Variants in THSD4 observed in about 807,000 individuals in gnomAD.
THSD4 encodes the protein thrombospondin type-1 domain-containing protein 4.
A neutral mutation model predicts 119.0 loss-of-function variants in THSD4; 69 were observed. That is an observed-to-expected ratio of 0.58 (90% confidence interval 0.48 to 0.71). The LOEUF (loss-of-function observed/expected upper bound fraction) is 0.71, where lower values mean the gene tolerates loss of function less well. THSD4 is among the 30% of genes least tolerant of loss of function. THSD4 has a pLI of 0.00. For missense variants in THSD4, 1,393 were observed against 1,391.1 expected, an observed-to-expected ratio of 1.00 and a Z score of -0.02; for synonymous variants, 524 against 540.4, an observed-to-expected ratio of 0.97 and a Z score of 0.42.
chr15:71,317,104 C>A (rs1416992510), intron 6 of THSD4, among the ~76,000 whole-genome samples: 1 of 152,108 alleles, frequency 6.6e-6, no homozygotes, highest in Non-Finnish European at 1.5e-5. Context: ...ATTTTCAGAG[C>A]TGGATATTGG....
At chr15:71,518,156 C>G (rs1433227302) in intron 7 of THSD4, among the ~76,000 whole-genome samples, 1 of 152,168 alleles carries the variant, frequency 6.6e-6, no homozygotes, top group African/African-American at 2.4e-5. Context: ...CTTAGGAGTA[C>G]AAAATTGAAA....
At chr15:71,243,118 C>T (rs1453671212) in intron 5 of THSD4, 22 bp downstream of exon 5, 22 of 1,587,982 alleles carry the variant, frequency 1.4e-5, no homozygotes, top group Middle Eastern at 1.7e-4. Flanking sequence ...CAACCCATAC[C>T]GGGCCTGGAA....
At chr15:71,506,734 T>G (rs1424681806) in intron 7 of THSD4, among the ~76,000 whole-genome samples, 1 of 152,230 alleles carries the variant, frequency 6.6e-6, no homozygotes, top group African/African-American at 2.4e-5. Flanking sequence ...TTGTCTTTCC[T>G]GGTCTGAACT....
chr15:71,473,205 A>G (rs899326906), intron 7 of THSD4, among the ~76,000 whole-genome samples: 1 of 151,908 alleles, frequency 6.6e-6, no homozygotes, highest in African/African-American at 2.4e-5. Flanking sequence ...CTACAGGCAC[A>G]CACTACCACA....
At chr15:71,137,266 C>G (rs998636573) in intron 1 of THSD4, among the ~76,000 whole-genome samples, 2 of 152,238 alleles carry the variant, frequency 1.3e-5, no homozygotes. Context: ...TGGGAACCCT[C>G]ACTCTTTCCA....
chr15:71,763,567 T>TTTTTTTTA (rs1334639920), intron 15 of THSD4, among the ~76,000 whole-genome samples: 2 of 150,670 alleles, frequency 1.3e-5, no homozygotes, highest in African/African-American at 4.9e-5. Flanking sequence ...TTTTTTTTTT[T>TTTTTTTTA]AAACAGAGTC....
At chr15:71,199,696 TG>T (rs2043766700) in intron 3 of THSD4, among the ~76,000 whole-genome samples, 2 of 145,408 alleles carry the variant, frequency 1.4e-5, no homozygotes, top group Non-Finnish European at 3.0e-5. Flanking sequence ...GTGTGGTGTG[TG>T]TGGTGTCTGG....
intron 7 of THSD4, among the ~76,000 whole-genome samples, chr15:71,524,101 A>G (rs2048480965): frequency 6.6e-6 from 1 of 152,186 alleles, no homozygotes; most frequent in Admixed American, 6.5e-5. Flanking sequence ...ACCTCTGAAA[A>G]ATACTGCTCG....
chr15:71,603,904 A>C (rs2050060018), intron 7 of THSD4, among the ~76,000 whole-genome samples: 1 of 152,180 alleles, frequency 6.6e-6, no homozygotes, highest in Admixed American at 6.5e-5. Context: ...GTTAAGGAGA[A>C]TTCAGTCCAA....
chr15:71,535,745 T>TG (rs1480350903), intron 7 of THSD4, among the ~76,000 whole-genome samples: 1 of 152,234 alleles, frequency 6.6e-6, no homozygotes, highest in African/African-American at 2.4e-5. Flanking sequence ...CCTGGAGAAA[T>TG]GTCTATTCAA....
intron 7 of THSD4, among the ~76,000 whole-genome samples, chr15:71,473,056 C>CTTTTTT (rs35085059): frequency 7.7e-6 from 1 of 129,312 alleles, no homozygotes; most frequent in African/African-American, 2.9e-5. Context: ...CTGTATTTGG[C>CTTTTTT]TTTTTTTTTT....
intron 7 of THSD4, among the ~76,000 whole-genome samples, chr15:71,499,544 G>A (rs2048079998): frequency 6.7e-6 from 1 of 149,072 alleles, no homozygotes; most frequent in Admixed American, 6.7e-5. Context: ...CAATTTTTAA[G>A]TGTATAGTAC....
intron 3 of THSD4, among the ~76,000 whole-genome samples, chr15:71,190,997 C>G (rs983034909): frequency 1.4e-4 from 21 of 152,292 alleles, no homozygotes; most frequent in African/African-American, 5.1e-4. Flanking sequence ...CACCAACACA[C>G]CCTAAACAGC....
At chr15:71,581,051 A>T (rs1485595187) in intron 7 of THSD4, among the ~76,000 whole-genome samples, 1 of 152,100 alleles carries the variant, frequency 6.6e-6, no homozygotes, top group African/African-American at 2.4e-5. Flanking sequence ...CAAGGTAATG[A>T]TTTCATTTCC....
intron 8 of THSD4, among the ~76,000 whole-genome samples, chr15:71,716,980 A>G (rs1311740731): frequency 6.6e-6 from 1 of 152,148 alleles, no homozygotes; most frequent in East Asian, 1.9e-4. Flanking sequence ...CCCACCTCGG[A>G]TATCTTATTT....
chr15:71,603,528 T>G (rs2050052557), intron 7 of THSD4, among the ~76,000 whole-genome samples: 1 of 152,116 alleles, frequency 6.6e-6, no homozygotes, highest in Non-Finnish European at 1.5e-5. Flanking sequence ...GAGTGGAAGG[T>G]TACTCCCAAG....
intron 6 of THSD4, among the ~76,000 whole-genome samples, chr15:71,382,465 C>T (rs191295404): frequency 5.9e-5 from 9 of 152,214 alleles, no homozygotes; most frequent in East Asian, 5.8e-4. Context: ...TTTTATAATA[C>T]GCATCTTCCA....
intron 7 of THSD4, among the ~76,000 whole-genome samples, chr15:71,540,857 G>A (rs1361552237): frequency 1.3e-5 from 2 of 150,572 alleles, no homozygotes; most frequent in East Asian, 1.9e-4. Flanking sequence ...CGAGTAGATG[G>A]GATTACAAGC....
intron 6 of THSD4, among the ~76,000 whole-genome samples, chr15:71,395,356 GC>G (rs2046434625): frequency 6.6e-6 from 1 of 152,160 alleles, no homozygotes; most frequent in South Asian, 2.1e-4. Flanking sequence ...GAGCTCCACT[GC>G]CCCCCAGGTG....
Sources: gnomAD v4.1 joint callset for allele counts (sites outside exome capture counted in the v4.1 genomes callset) on GRCh38, gnomAD v4.1.1 for gene constraint, MANE v1.5 for transcripts, NCBI Gene and HGNC (gene_info 2026-07-23, HGNC 2026-07-21) for gene names.